The following LRP1B variants were observed in gnomAD, a reference collection of about 807,000 sequenced individuals.
LRP1B encodes the protein LDL receptor related protein 1B, also known as low-density lipoprotein receptor-related protein 1B.
In LRP1B, 217 loss-of-function variants were observed where a neutral mutation model predicts 556.6. The ratio of observed to expected loss-of-function variants is 0.39; its 90% CI spans 0.35 to 0.44. The LOEUF is 0.44. LRP1B is among the 20% of genes least tolerant of loss of function. The pLI is 1.00. For missense variants in LRP1B, 5,053 were observed against 5,620.8 expected, an observed-to-expected ratio of 0.90 and a Z score of 3.23; for synonymous variants, 2,047 against 1,865.8, an observed-to-expected ratio of 1.10 and a Z score of -2.50.
chr2:140,835,250 G>A (rs766432528), intron 31 of LRP1B, among the ~76,000 whole-genome samples: 15 of 152,114 alleles, frequency 9.9e-5, no homozygotes, highest in South Asian at 8.3e-4. Context: ...CTTCATCTGA[G>A]GTCTTCTTAT....
chr2:141,436,277 A>G (rs557712486), intron 3 of LRP1B, among the ~76,000 whole-genome samples: 1 of 152,282 alleles, frequency 6.6e-6, no homozygotes, highest in East Asian at 1.9e-4. Context: ...TGTGGTGAAG[A>G]CACTTAAGAT....
intron 84 of LRP1B, among the ~76,000 whole-genome samples, chr2:140,293,297 G>A (rs1316570132): frequency 6.6e-6 from 1 of 152,146 alleles, no homozygotes; most frequent in African/African-American, 2.4e-5. Flanking sequence ...AATCCAAAAT[G>A]TCATGCTCAC....
chr2:141,706,429 G>A (rs1430793499), intron 2 of LRP1B, among the ~76,000 whole-genome samples: 1 of 152,010 alleles, frequency 6.6e-6, no homozygotes, highest in Non-Finnish European at 1.5e-5. Context: ...AAACATTTTT[G>A]TGTTCAATCA....
intron 20 of LRP1B, among the ~76,000 whole-genome samples, chr2:140,934,404 G>A (rs1695143087): frequency 6.6e-6 from 1 of 152,094 alleles, no homozygotes; most frequent in South Asian, 2.1e-4. Context: ...GAAAGCAACA[G>A]GAATACATCT....
At chr2:141,135,202 G>A (rs1249285043) in intron 7 of LRP1B, among the ~76,000 whole-genome samples, 14 of 151,748 alleles carry the variant, frequency 9.2e-5, no homozygotes, top group Admixed American at 2.6e-4. Context: ...ATATTCATTC[G>A]TATGATCAAA....
intron 1 of LRP1B, among the ~76,000 whole-genome samples, chr2:141,881,945 A>C (rs60752443): frequency 6.6e-6 from 1 of 151,742 alleles, no homozygotes; most frequent in Non-Finnish European, 1.5e-5. Flanking sequence ...TTCTTAAGAG[A>C]CTCTTCTTAC....
chr2:140,309,553 T>G (rs74431939), intron 83 of LRP1B, among the ~76,000 whole-genome samples: 3,093 of 151,826 alleles, frequency 0.02, 39 homozygotes, highest in African/African-American at 0.028. Flanking sequence ...ACTCTTACCT[T>G]TATTCTCTCA....
chr2:142,053,570 C>T (rs879573738), intron 1 of LRP1B, among the ~76,000 whole-genome samples: 2 of 152,062 alleles, frequency 1.3e-5, no homozygotes, highest in Non-Finnish European at 2.9e-5. Context: ...ACAACATTTA[C>T]TTCACCAGTT....
chr2:140,776,061 A>G (rs1402542969), intron 33 of LRP1B, 37 bp downstream of exon 33: 2 of 1,483,224 alleles, frequency 1.3e-6, no homozygotes, highest in Non-Finnish European at 9.1e-7. Context: ...CACATTACGT[A>G]TTCAAGACCT....
chr2:140,899,842 T>C (rs908306794), intron 23 of LRP1B, among the ~76,000 whole-genome samples: 19 of 152,192 alleles, frequency 1.2e-4, no homozygotes, highest in Non-Finnish European at 2.6e-4. Context: ...ATAAAAGTCA[T>C]TTTAATAATC....
chr2:140,829,671 T>A (rs992774312), intron 31 of LRP1B, among the ~76,000 whole-genome samples: 3 of 151,700 alleles, frequency 2.0e-5, no homozygotes, highest in Non-Finnish European at 4.4e-5. Flanking sequence ...CATCAAAAAG[T>A]TAAAAGATTT....
intron 2 of LRP1B, among the ~76,000 whole-genome samples, chr2:141,526,692 T>A (rs955989807): frequency 6.6e-6 from 1 of 152,018 alleles, no homozygotes; most frequent in Non-Finnish European, 1.5e-5. Context: ...TAGGAGTATT[T>A]TTTTCAAGGA....
intron 1 of LRP1B, among the ~76,000 whole-genome samples, chr2:142,124,902 A>G (rs1310864805): frequency 2.0e-5 from 3 of 148,992 alleles, no homozygotes; most frequent in Non-Finnish European, 4.5e-5. Flanking sequence ...TTTTTTTTTT[A>G]CAGGATGTAT....
At chr2:140,576,849 C>T (rs753408978) in intron 43 of LRP1B, among the ~76,000 whole-genome samples, 1 of 152,184 alleles carries the variant, frequency 6.6e-6, no homozygotes, top group Non-Finnish European at 1.5e-5. Flanking sequence ...AAAGTAAACA[C>T]ATTGAAGTCT....
chr2:141,625,637 A>G (rs1688678673), intron 2 of LRP1B, among the ~76,000 whole-genome samples: 2 of 152,180 alleles, frequency 1.3e-5, no homozygotes, highest in Non-Finnish European at 2.9e-5. Flanking sequence ...CATATATGCT[A>G]CATAAGTGAA....
At chr2:141,198,910 G>T (rs781435885) in intron 6 of LRP1B, among the ~76,000 whole-genome samples, 2 of 152,130 alleles carry the variant, frequency 1.3e-5, no homozygotes, top group East Asian at 3.9e-4. Context: ...GCCTCCTCTT[G>T]AAACTATCCA....
intron 32 of LRP1B, among the ~76,000 whole-genome samples, chr2:140,791,409 A>G (rs1247918781): frequency 3.3e-5 from 5 of 152,118 alleles, no homozygotes; most frequent in Admixed American, 3.3e-4. Context: ...AGCCTGGGTG[A>G]CAGAGTGAGA....
intron 1 of LRP1B, among the ~76,000 whole-genome samples, chr2:142,020,198 A>G (rs1298616631): frequency 6.6e-6 from 1 of 152,158 alleles, no homozygotes. Context: ...CACAGGACCA[A>G]GTCGTTCATG....
At chr2:140,688,438 G>T (rs1414629398) in intron 41 of LRP1B, among the ~76,000 whole-genome samples, 1 of 150,058 alleles carries the variant, frequency 6.7e-6, no homozygotes, top group Non-Finnish European at 1.5e-5. Context: ...ATCTACTATT[G>T]GTTTTCAAGG....
Sources: allele counts gnomAD v4.1 joint callset (sites outside exome capture counted in the v4.1 genomes callset), GRCh38; gene constraint gnomAD v4.1.1; transcripts MANE v1.5; gene names NCBI Gene and HGNC (gene_info 2026-07-23, HGNC 2026-07-21).